Variants in STXBP5 observed in about 807,000 individuals in gnomAD.
The protein encoded by STXBP5 is syntaxin-binding protein 5.
Under a neutral mutation model 152.4 loss-of-function variants are expected in STXBP5, and 50 were observed. The ratio of observed to expected loss-of-function variants is 0.33; its 90% CI spans 0.26 to 0.42. The LOEUF (loss-of-function observed/expected upper bound fraction) is 0.42. Ranked by LOEUF, STXBP5 falls within the 10% of genes least tolerant of loss-of-function variation. The probability of loss-of-function intolerance (pLI) is 1.00; values close to 1 mark genes in which losing one functional copy is unlikely to be tolerated. For synonymous variants in STXBP5, 492 were observed against 494.7 expected (o/e 0.99, Z 0.07); for missense variants, 1,167 against 1,388.6 (o/e 0.84, Z 2.54).
chr6:147,245,382 C>G (rs1432854192), intron 4 of STXBP5, among the ~76,000 whole-genome samples: 2 of 152,076 alleles, frequency 1.3e-5, no homozygotes, highest in Admixed American at 1.3e-4. Context: ...TTTAAATATC[C>G]TCCTTAATTA....
chr6:147,229,371 A>T (rs1340585672), intron 2 of STXBP5, among the ~76,000 whole-genome samples: 1 of 151,702 alleles, frequency 6.6e-6, no homozygotes, highest in Admixed American at 6.6e-5. Context: ...CTTTAGTGAG[A>T]TATGCTTACA....
At position 147,262,450 on chromosome 6, in the gene STXBP5, A is replaced by T. The variant is rs9485157; in HGVS notation, c.630+97A>T. ...AGGATCACACTTATTACAAATTGAG[A>T]TTACCATTGAAGGTTGTGTATCATA... On this transcript the variant is annotated intron_variant, in intron 6 of 27. Transcript: ENST00000321680. The T allele has an allele frequency of 5.4e-3, 3,696 of 688,958 alleles. 97 individuals are homozygous for T. The African/African-American group carries it at 0.06, about 11-fold the overall frequency. The allele number at this position is 688,958 out of a possible 1,614,324, so 42.7% of individuals were successfully genotyped here.
At chr6:147,256,320 A>G (rs1284279009) in intron 4 of STXBP5, among the ~76,000 whole-genome samples, 1 of 150,226 alleles carries the variant, frequency 6.7e-6, no homozygotes, top group Non-Finnish European at 1.5e-5. Context: ...AACACATCCA[A>G]TTAGTAGAAA....
chr6:147,361,578 T>C (rs1785069685), intron 23 of STXBP5, among the ~76,000 whole-genome samples: 1 of 152,154 alleles, frequency 6.6e-6, no homozygotes, highest in Admixed American at 6.6e-5. Context: ...TGGTCTACTT[T>C]GTCTGCTGTT....
intron 8 of STXBP5, among the ~76,000 whole-genome samples, chr6:147,286,873 T>C (rs1486413741): frequency 6.6e-6 from 1 of 152,022 alleles, no homozygotes; most frequent in Non-Finnish European, 1.5e-5. Context: ...ATGTCAAAAA[T>C]CTTACAGATA....
chr6:147,257,563 T>A (rs617975), intron 4 of STXBP5, among the ~76,000 whole-genome samples: 65,535 of 151,704 alleles, frequency 0.43, 14,458 homozygotes, highest in East Asian at 0.71. Flanking sequence ...TTATCATTAA[T>A]GATCTATATC....
At chr6:147,274,265 C>T (rs1234072005) in intron 7 of STXBP5, among the ~76,000 whole-genome samples, 1 of 152,014 alleles carries the variant, frequency 6.6e-6, no homozygotes, top group African/African-American at 2.4e-5. Context: ...TTCATTCATT[C>T]ATTCATTCTT....
chr6:147,301,541 T>G (rs981045084), intron 9 of STXBP5, among the ~76,000 whole-genome samples: 2 of 152,214 alleles, frequency 1.3e-5, no homozygotes, highest in Admixed American at 6.5e-5. Flanking sequence ...AGTTTTAACC[T>G]TAAATGGTTG....
In STXBP5 at chr6:147,343,779, T is replaced by C. The variant is rs1358480527; in HGVS notation, c.2254+4395T>C. On this transcript the variant is annotated intron_variant, in intron 21 of 27. Transcript: ENST00000321680. Reference sequence around the variant, plus strand: ...AGTCGTATTTTAAGTTATCAAATTATTTTATTCATTGTAAAACTCAAAATA... The same window carrying C: ...AGTCGTATTTTAAGTTATCAAATTACTTTATTCATTGTAAAACTCAAAATA... 3.3e-5 allele frequency among the ~76,000 whole-genome samples: 5 copies of C among 152,216 alleles called. No individual in the cohort carries two copies. The East Asian group carries it at 7.7e-4, about 23-fold the overall frequency.
At chr6:147,358,260 T>A (rs989527793) in intron 22 of STXBP5, among the ~76,000 whole-genome samples, 1 of 150,324 alleles carries the variant, frequency 6.7e-6, no homozygotes, top group East Asian at 2.0e-4. Flanking sequence ...AGTATCAGAG[T>A]ACTTCTAAAT....
chr6:147,278,918 G>A (rs965315587), intron 8 of STXBP5, among the ~76,000 whole-genome samples: 1 of 152,160 alleles, frequency 6.6e-6, no homozygotes, highest in Non-Finnish European at 1.5e-5. Flanking sequence ...GGAGTCCAGG[G>A]TTTTTATTGG....
chr6:147,381,113 T>G (rs532303724), intron 26 of STXBP5, among the ~76,000 whole-genome samples: 1 of 152,092 alleles, frequency 6.6e-6, no homozygotes, highest in Non-Finnish European at 1.5e-5. Context: ...CAGGAAACCC[T>G]GCCCCCATGA....
chr6:147,311,659 G>A (rs1782382938), intron 11 of STXBP5, 132 bp downstream of exon 11: 1 of 613,884 alleles, frequency 1.6e-6, no homozygotes, highest in Non-Finnish European at 2.7e-6. Flanking sequence ...TCTTTTGAGA[G>A]CTCCAGACTC....
intron 6 of STXBP5, among the ~76,000 whole-genome samples, chr6:147,263,247 A>T (rs888666617): frequency 6.6e-6 from 1 of 151,934 alleles, no homozygotes; most frequent in Non-Finnish European, 1.5e-5. Context: ...AATGGGAGGC[A>T]TGGTAGGAGA....
chr6:147,348,816 T>C (rs1160280643), intron 21 of STXBP5, among the ~76,000 whole-genome samples: 2 of 152,174 alleles, frequency 1.3e-5, no homozygotes, highest in Non-Finnish European at 1.5e-5. Context: ...TATGCAACCA[T>C]TAAAATATAC....
intron 21 of STXBP5, among the ~76,000 whole-genome samples, chr6:147,352,965 G>A (rs916223192): frequency 5.9e-5 from 9 of 152,074 alleles, no homozygotes; most frequent in Admixed American, 2.6e-4. Flanking sequence ...GGGTAACATA[G>A]TGAGACCCCA....
intron 2 of STXBP5, among the ~76,000 whole-genome samples, chr6:147,210,685 A>AT (rs1268494699): frequency 6.6e-6 from 1 of 152,130 alleles, no homozygotes; most frequent in Non-Finnish European, 1.5e-5. Flanking sequence ...ATTTAGCCCA[A>AT]GTTCTTCACC....
At chr6:147,267,900 G>A (rs1331067395) in intron 7 of STXBP5, among the ~76,000 whole-genome samples, 1 of 152,108 alleles carries the variant, frequency 6.6e-6, no homozygotes, top group Non-Finnish European at 1.5e-5. Context: ...CAAAATAGGA[G>A]ACATTCTAAT....
rs1368335238 is a variant in STXBP5, at chr6:147,389,392, T to G, written c.*4637T>G. The G allele has an allele frequency of 6.6e-6, 1 of 151,862 alleles. No homozygotes were observed. Among genetic ancestry groups the G allele is most frequent in the Non-Finnish European group, 1.5e-5 (1 of 67,782 alleles). 9.4% of individuals were successfully genotyped at this position (151,862 alleles called of 1,614,324 possible). Reference sequence around the variant, plus strand: ...AATTACCAGGGTTATAACATTGCTTTCTTCAGTTATTAATACAGTCAAATT... The same window carrying G: ...AATTACCAGGGTTATAACATTGCTTGCTTCAGTTATTAATACAGTCAAATT... On this transcript the variant is annotated 3_prime_UTR_variant, in exon 28 of 28. Transcript: ENST00000321680.
Sources: allele counts gnomAD v4.1 joint callset (sites outside exome capture counted in the v4.1 genomes callset), GRCh38; gene constraint gnomAD v4.1.1; transcripts MANE v1.5; gene names NCBI Gene and HGNC (gene_info 2026-07-23, HGNC 2026-07-21).